Variants in ITIH6 observed in about 807,000 individuals in gnomAD.
ITIH6 encodes the protein inter-alpha-trypsin inhibitor heavy chain H6.
A neutral mutation model predicts 58.2 loss-of-function variants in ITIH6; 60 were observed. The observed-to-expected ratio is 1.03, with a 90% CI of 0.84 to 1.28. ITIH6 has a LOEUF of 1.28. ITIH6 is among the 50% of genes most tolerant of loss of function. The pLI is 0.00. For missense variants in ITIH6, 1,290 were observed against 1,021.1 expected (o/e 1.26, Z -3.59); for synonymous variants, 493 against 417.4 (o/e 1.18, Z -2.21).
intron 5 of ITIH6, among the ~76,000 whole-genome samples, chrX:54,785,587 T>G (rs954664663): frequency 4.5e-5 from 5 of 111,770 alleles, no homozygotes; most frequent in African/African-American, 1.3e-4. Context: ...GGCCCATGAA[T>G]GTCACAGTTG....
chrX:54,771,880 C>T lies in ITIH6; in HGVS notation c.903+2201G>A, dbSNP rs369846095. 4.5e-5 allele frequency among the ~76,000 whole-genome samples: 5 copies of T among 111,523 alleles called. No individual in the cohort carries two copies. In the South Asian group the frequency reaches 1.5e-3, roughly 34 times the overall value. ...TGGCAAGGTTGTGGAGAAAAGGGAACGCTTATACACTGTTGGTGGGAGTGT... is the reference window on the plus strand; with the variant it reads ...TGGCAAGGTTGTGGAGAAAAGGGAATGCTTATACACTGTTGGTGGGAGTGT... On this transcript the variant is annotated intron_variant, in intron 6 of 12. Coordinates refer to ENST00000218436, the MANE Select transcript of ITIH6 (RefSeq NM_198510.3).
At position 54,749,005 on chromosome X, in the gene ITIH6, G is replaced by A. The variant is rs1008674764; in HGVS notation, c.*890C>T. The A allele has an allele frequency of 1.8e-5, 2 of 110,955 alleles. No homozygotes were observed. Among genetic ancestry groups the A allele is most frequent in the African/African-American group, 3.3e-5 (1 of 30,401 alleles). 9.1% of individuals were successfully genotyped at this position (110,955 alleles called of 1,213,427 possible). A position where few individuals can be genotyped will look rare whatever the true frequency, so the allele number is the denominator to read the frequency against. Reference sequence around the variant, plus strand: ...TATGTCTCTATACCCCTATGTCCATGTTTGTTTTGTGATTCCTGTGTTTCC... The same window carrying A: ...TATGTCTCTATACCCCTATGTCCATATTTGTTTTGTGATTCCTGTGTTTCC... On this transcript the variant is annotated 3_prime_UTR_variant, in exon 13 of 13. Transcript: ENST00000218436.
intron 6 of ITIH6, among the ~76,000 whole-genome samples, chrX:54,767,273 T>A (rs1176772330): frequency 1.9e-5 from 2 of 106,621 alleles, no homozygotes; most frequent in Admixed American, 2.0e-4. Flanking sequence ...ATTTGATTCT[T>A]CTCTCTTTTT....
chrX:54,751,594 G>C (rs1928362848), intron 11 of ITIH6, among the ~76,000 whole-genome samples: 1 of 112,297 alleles, frequency 8.9e-6, no homozygotes, highest in African/African-American at 3.2e-5. Flanking sequence ...ACCCCAGTGT[G>C]GTTGTTTGCA....
In ITIH6 at chrX:54,759,820, G is replaced by T. The variant is rs770166379; in HGVS notation, c.1011C>A (p.Ile337=). 1 of 1,210,757 alleles carries T rather than the reference G, an allele frequency of 8.3e-7. No individual in the cohort carries two copies. The highest frequency in any genetic ancestry group is 3.0e-5 in the East Asian group (1 of 33,842). The change falls in exon 7 of 13, where the codon ATC becomes ATA. Residue 337 remains isoleucine, a synonymous_variant. Coordinates refer to ENST00000218436, the MANE Select transcript of ITIH6 (RefSeq NM_198510.3). The part of the protein sequence containing the change: ...TVNVWKAGGS[I]QATIQNVHSA... Reference sequence around the variant, plus strand: ...TGTGGACATTCTGGATGGTGGCCTGGATTGAGCCTCCAGCTTTCCAAACAT... The same window carrying T: ...TGTGGACATTCTGGATGGTGGCCTGTATTGAGCCTCCAGCTTTCCAAACAT...
At chrX:54,789,360 T>C (rs966096333) in intron 4 of ITIH6, among the ~76,000 whole-genome samples, 31 of 111,501 alleles carry the variant, frequency 2.8e-4, no homozygotes, top group African/African-American at 1.0e-3. Context: ...ACTTGGGAAT[T>C]CTGCTCCCCC....
intron 6 of ITIH6, among the ~76,000 whole-genome samples, chrX:54,772,350 G>T (rs1296178331): frequency 8.9e-6 from 1 of 111,776 alleles, no homozygotes; most frequent in East Asian, 2.8e-4. Flanking sequence ...CCTACTTGAG[G>T]GTGGAAGTTC....
intron 6 of ITIH6, among the ~76,000 whole-genome samples, chrX:54,765,507 T>A (rs1928756851): frequency 1.8e-5 from 2 of 109,650 alleles, no homozygotes; most frequent in Admixed American, 9.8e-5. Flanking sequence ...GCACCATTTA[T>A]TAAATAGGGA....
chrX:54,758,596 A>G lies in ITIH6; in HGVS notation c.1478T>C (p.Val493Ala). 1 of 1,210,857 alleles carries G rather than the reference A, an allele frequency of 8.3e-7. No individual in the cohort carries two copies. The highest frequency in any genetic ancestry group is 1.1e-6 in the Non-Finnish European group (1 of 895,127). The part of the protein sequence containing the change: ...GGLVGASPWA[V>A]FPNYFGGSEL... ...AGAGCCACCAAAGTAGTTGGGGAAA[A>G]CGGCCCAAGGGGAGGCCCCAACCAA... is the stretch of plus-strand genomic sequence containing the variant. Residue 493 changes from valine (V) to alanine (A), a missense_variant, in exon 8 of 13, where the codon GTT becomes GCT. Val to Ala is a moderately conservative substitution (Grantham distance 64). Coordinates refer to ENST00000218436, the MANE Select transcript of ITIH6 (RefSeq NM_198510.3).
Position 54,749,626 on chromosome X carries a change from G to A in ITIH6, c.*269C>T. ...CTGATCATTTTTTCGTTTTACAAAA[G>A]TGGCTTGTAGGGCTGGTGAGGAGCA... is the stretch of plus-strand genomic sequence containing the variant. On this transcript the variant is annotated 3_prime_UTR_variant, in exon 13 of 13. Transcript: ENST00000218436. The A allele has an allele frequency of 1.3e-5, 4 of 302,628 alleles. No homozygotes were observed. Among genetic ancestry groups the A allele is most frequent in the Non-Finnish European group, 2.3e-5 (4 of 173,001 alleles). 24.9% of individuals were successfully genotyped at this position (302,628 alleles called of 1,213,427 possible).
In ITIH6 at chrX:54,757,546, C is replaced by G. The variant is rs769284926; in HGVS notation, c.2528G>C (p.Gly843Ala). ...TRNNMPHLGPGILLSKTPKIL... is the reference protein window; with the variant it reads ...TRNNMPHLGPAILLSKTPKIL... ...TTTAGGGGTCTTGGACAAGAGGATTCCAGGCCCCAGGTGTGGCATGTTGTT... is the reference window on the plus strand; with the variant it reads ...TTTAGGGGTCTTGGACAAGAGGATTGCAGGCCCCAGGTGTGGCATGTTGTT... The change falls in exon 8 of 13, where the codon GGA (glycine) becomes GCA (alanine). Residue 843 changes from glycine (G) to alanine (A), a missense_variant. Coordinates refer to ENST00000218436, the MANE Select transcript of ITIH6 (RefSeq NM_198510.3). 14 of 1,207,695 alleles carry G rather than the reference C, an allele frequency of 1.2e-5. No individual in the cohort carries two copies. The highest frequency in any genetic ancestry group is 2.2e-5 in the Admixed American group (1 of 45,543).
intron 2 of ITIH6, among the ~76,000 whole-genome samples, chrX:54,795,589 A>G (rs190917001): frequency 2.4e-4 from 27 of 111,878 alleles, no homozygotes; most frequent in Non-Finnish European, 4.1e-4. Flanking sequence ...CTGACAGTAC[A>G]GTGACACAGA....
At chrX:54,780,260 G>A (rs773078582) in intron 5 of ITIH6, among the ~76,000 whole-genome samples, 24 of 111,762 alleles carry the variant, frequency 2.1e-4, no homozygotes, top group African/African-American at 7.8e-4. Flanking sequence ...AAAGACAGAC[G>A]ATATATCAGG....
chrX:54,753,988 G>T (rs1928432559), intron 9 of ITIH6, 23 bp from the exon 10 acceptor site: 2 of 1,197,368 alleles, frequency 1.7e-6, no homozygotes, highest in Non-Finnish European at 2.3e-6. Flanking sequence ...GAGAGACTGT[G>T]TTGGGAAGGG....
chrX:54,754,831 C>T (rs948460446), intron 9 of ITIH6, among the ~76,000 whole-genome samples, 186 bp downstream of exon 9: 24 of 112,477 alleles, frequency 2.1e-4, no homozygotes, highest in African/African-American at 7.1e-4. Context: ...TTCTAGACTA[C>T]TGACTAACAG....
chrX:54,757,670 G>T lies in ITIH6; in HGVS notation c.2404C>A (p.Pro802Thr). The T allele has an allele frequency of 8.3e-7, 1 of 1,211,154 alleles. No homozygotes were observed. Among genetic ancestry groups the T allele is most frequent in the Non-Finnish European group, 1.1e-6 (1 of 895,157 alleles). The change falls in exon 8 of 13, where the codon CCT becomes ACT. Residue 802 changes from proline (P) to threonine (T), a missense_variant. Transcript: ENST00000218436. ...PQLGALTSQA[P>T]KGLPQSRPGV... is the part of the protein sequence containing the mutation. ...GGTCTTGACTGTGGCAGGCCTTTAG[G>T]TGCCTGTGATGTGAGTGCCCCAAGT...
At position 54,785,231 on chromosome X, in the gene ITIH6, G is replaced by T. The variant is rs187796582; in HGVS notation, c.786+3249C>A. Among the ~76,000 whole-genome samples, 18 of 108,385 alleles carry T rather than the reference G, an allele frequency of 1.7e-4. No individual in the cohort carries two copies. In the East Asian group the frequency reaches 4.7e-3, roughly 28 times the overall value. The allele number at this position is 108,385 out of a possible 115,157, so 94.1% of individuals were successfully genotyped here. On this transcript the variant is annotated intron_variant, in intron 5 of 12. Coordinates refer to ENST00000218436, the MANE Select transcript of ITIH6 (RefSeq NM_198510.3). ...GAGTGGGGTAGCGGGGAGATGGGGG[G>T]TGGGGAAGGCAGGGATGGTTAATGG...
chrX:54,793,248 T>G (rs1929380111), intron 2 of ITIH6, among the ~76,000 whole-genome samples: 1 of 111,615 alleles, frequency 9.0e-6, no homozygotes, highest in South Asian at 3.8e-4. Context: ...GCCATAAAAA[T>G]GATGAGTTCA....
At chrX:54,768,459 G>T (rs1195838493) in intron 6 of ITIH6, among the ~76,000 whole-genome samples, 1 of 85,162 alleles carries the variant, frequency 1.2e-5, no homozygotes, top group Non-Finnish European at 2.2e-5. Flanking sequence ...GATTTTGCTC[G>T]TTAGTTGATG....
Sources: gnomAD v4.1 joint callset for allele counts (sites outside exome capture counted in the v4.1 genomes callset) on GRCh38, gnomAD v4.1.1 for gene constraint, MANE v1.5 for transcripts, NCBI Gene and HGNC (gene_info 2026-07-23, HGNC 2026-07-21) for gene names.